The following VPS13B variants were observed in gnomAD, a reference collection of about 807,000 sequenced individuals.
VPS13B encodes the protein intermembrane lipid transfer protein VPS13B.
In VPS13B, 285 loss-of-function variants were observed where a neutral mutation model predicts 426.4. The observed-to-expected ratio is 0.67, with a 90% CI of 0.61 to 0.74. The LOEUF is 0.74. Among genes scored for constraint, VPS13B ranks in the 30% least tolerant of loss-of-function variants. The pLI is 0.00. For missense variants in VPS13B, 4,537 were observed against 4,782.6 expected, an observed-to-expected ratio of 0.95 and a Z score of 1.51; for synonymous variants, 1,676 against 1,676.4, an observed-to-expected ratio of 1.00 and a Z score of 0.01.
intron 57 of VPS13B, among the ~76,000 whole-genome samples, chr8:99,859,876 G>A (rs1816746699): frequency 6.6e-6 from 1 of 152,172 alleles, no homozygotes; most frequent in East Asian, 1.9e-4. Flanking sequence ...ACTTTCTTAA[G>A]GATATGGATA....
At chr8:99,349,715 G>T (rs1811765127) in intron 19 of VPS13B, among the ~76,000 whole-genome samples, 1 of 152,136 alleles carries the variant, frequency 6.6e-6, no homozygotes, top group South Asian at 2.1e-4. Context: ...TATAATCGTT[G>T]AAAAAAGTCT....
chr8:99,835,168 T>G, intron 52 of VPS13B, 29 bp from the exon 53 acceptor site: 2 of 1,613,756 alleles, frequency 1.2e-6, no homozygotes, highest in Non-Finnish European at 1.7e-6. Flanking sequence ...TCCTAAACAT[T>G]TCTGTCATTT....
intron 54 of VPS13B, 137 bp downstream of exon 54, chr8:99,835,875 T>C (rs999666398): frequency 5.8e-6 from 5 of 862,894 alleles, no homozygotes; most frequent in East Asian, 2.7e-5. Flanking sequence ...GTGTATCCAT[T>C]TTTACGTCCT....
chr8:99,672,389 A>G (rs1023987626), intron 35 of VPS13B, among the ~76,000 whole-genome samples: 6 of 152,084 alleles, frequency 3.9e-5, no homozygotes, highest in Non-Finnish European at 7.4e-5. Context: ...TTATGAAATG[A>G]GATTGTTTTC....
At chr8:99,564,133 G>T (rs1825074393) in intron 31 of VPS13B, among the ~76,000 whole-genome samples, 1 of 152,098 alleles carries the variant, frequency 6.6e-6, no homozygotes, top group African/African-American at 2.4e-5. Context: ...TAAGTGTAGA[G>T]AATCATCAGA....
At chr8:99,381,525 G>A (rs1230457461) in intron 19 of VPS13B, among the ~76,000 whole-genome samples, 1 of 152,182 alleles carries the variant, frequency 6.6e-6, no homozygotes, top group Non-Finnish European at 1.5e-5. Context: ...TCCACCAACA[G>A]TGTATAAGTA....
intron 19 of VPS13B, among the ~76,000 whole-genome samples, chr8:99,345,476 A>G (rs1482243683): frequency 6.6e-6 from 1 of 152,152 alleles, no homozygotes; most frequent in African/African-American, 2.4e-5. Context: ...GTTTGGTGGT[A>G]TTTTGTGTAA....
intron 21 of VPS13B, among the ~76,000 whole-genome samples, chr8:99,415,165 A>G (rs1174966287): frequency 3.3e-5 from 5 of 150,956 alleles, no homozygotes; most frequent in Non-Finnish European, 7.4e-5. Flanking sequence ...TTGATCTTCA[A>G]TCTCTGATAT....
At chr8:99,015,494 G>A (rs1217766276) in intron 2 of VPS13B, among the ~76,000 whole-genome samples, 1 of 151,546 alleles carries the variant, frequency 6.6e-6, no homozygotes, top group Non-Finnish European at 1.5e-5. Flanking sequence ...GGGATTACAG[G>A]CATGAGCCAC....
At chr8:99,115,126 C>G (rs56964754) in intron 6 of VPS13B, among the ~76,000 whole-genome samples, 5 of 151,996 alleles carry the variant, frequency 3.3e-5, no homozygotes, top group Non-Finnish European at 7.4e-5. Flanking sequence ...AAACTTTTTT[C>G]AACATATATT....
intron 21 of VPS13B, among the ~76,000 whole-genome samples, chr8:99,417,712 G>A (rs1286381638): frequency 6.6e-6 from 1 of 152,026 alleles, no homozygotes; most frequent in Non-Finnish European, 1.5e-5. Flanking sequence ...GTTAATCAGT[G>A]TGCTCACTCT....
intron 31 of VPS13B, among the ~76,000 whole-genome samples, chr8:99,567,567 T>C (rs369191344): frequency 9.2e-5 from 14 of 152,080 alleles, no homozygotes; most frequent in East Asian, 3.8e-4. Context: ...TCTTTAAATG[T>C]ACCTTAAAAA....
At chr8:99,694,771 TG>T (rs1363666387) in intron 35 of VPS13B, among the ~76,000 whole-genome samples, 3 of 151,982 alleles carry the variant, frequency 2.0e-5, no homozygotes, top group Admixed American at 6.6e-5. Context: ...ACCTACAACA[TG>T]GGAGAAAATT....
At chr8:99,455,015 C>T (rs528418239) in intron 23 of VPS13B, among the ~76,000 whole-genome samples, 2 of 152,230 alleles carry the variant, frequency 1.3e-5, no homozygotes, top group South Asian at 4.1e-4. Flanking sequence ...GGATAACAGT[C>T]CCCTATCAGA....
intron 20 of VPS13B, 73 bp from the exon 21 acceptor site, chr8:99,391,483 AT>A: frequency 6.2e-7 from 1 of 1,609,798 alleles, no homozygotes; most frequent in Admixed American, 1.7e-5. Flanking sequence ...CAGTATTGCC[AT>A]GTTTAACCTT....
intron 21 of VPS13B, among the ~76,000 whole-genome samples, chr8:99,425,905 T>C (rs1816674906): frequency 6.6e-6 from 1 of 152,080 alleles, no homozygotes; most frequent in Non-Finnish European, 1.5e-5. Context: ...TGTTTTTTGT[T>C]TTTTGTTTTT....
intron 39 of VPS13B, among the ~76,000 whole-genome samples, chr8:99,748,296 T>G (rs1810199098): frequency 6.6e-6 from 1 of 152,080 alleles, no homozygotes; most frequent in South Asian, 2.1e-4. Flanking sequence ...TGCAAATTCC[T>G]GAATTAAGAG....
At chr8:99,424,304 C>G (rs1442886286) in intron 21 of VPS13B, 1 of 151,610 alleles carries the variant, frequency 6.6e-6, no homozygotes, top group Non-Finnish European at 1.5e-5. Flanking sequence ...CTATGTATGT[C>G]TCTGCACGTG....
chr8:99,800,452 T>A (rs981539093), intron 43 of VPS13B, among the ~76,000 whole-genome samples: 3 of 152,208 alleles, frequency 2.0e-5, no homozygotes, highest in East Asian at 1.9e-4. Flanking sequence ...CATACTTTTT[T>A]AACTGTATTT....
Sources: allele counts gnomAD v4.1 joint callset (sites outside exome capture counted in the v4.1 genomes callset), GRCh38; gene constraint gnomAD v4.1.1; transcripts MANE v1.5; gene names NCBI Gene and HGNC (gene_info 2026-07-23, HGNC 2026-07-21).